Variants in PDGFB observed in about 807,000 individuals in gnomAD.
The protein encoded by PDGFB is platelet-derived growth factor subunit B.
A neutral mutation model predicts 29.0 loss-of-function variants in PDGFB; 6 were observed. That is an observed-to-expected ratio of 0.21 (90% confidence interval 0.11 to 0.41). PDGFB has a LOEUF of 0.41. PDGFB is among the 10% of genes least tolerant of loss of function. PDGFB has a pLI of 1.00. For missense variants in PDGFB, 299 were observed against 341.8 expected (o/e 0.87, Z 0.99); for synonymous variants, 144 against 140.8 (o/e 1.02, Z -0.16).
intron 1 of PDGFB, among the ~76,000 whole-genome samples, chr22:39,236,926 A>G (rs5750780): frequency 0.97 from 148,085 of 152,320 alleles, 72,025 homozygotes; most frequent in East Asian, 1. Flanking sequence ...TGGAGAGGGC[A>G]TCAATAGGCT....
rs769438408 is a variant in PDGFB, at chr22:39,230,206, C to T, written c.479G>A (p.Arg160Gln). 11 of 1,613,846 alleles carry T rather than the reference C, an allele frequency of 6.8e-6. No homozygotes were observed. The highest frequency in any genetic ancestry group is 2.2e-5 in the East Asian group (1 of 44,904). ...GGCCTTCTTAAAGATTGGCTTCTTC[C>T]GCACAATCTCGATCTTTCTCACCTG... ...PVQVRKIEIV[R>Q]KKPIFKKATV... The change falls in exon 5 of 7, where the codon CGG becomes CAG. Residue 160 changes from arginine (R) to glutamine (Q), a missense_variant. Coordinates refer to ENST00000331163, the MANE Select transcript of PDGFB (RefSeq NM_002608.4).
Position 39,231,076 on chromosome 22 carries a change from C to T in PDGFB, c.456+546G>A, listed in dbSNP as rs754477313. On this transcript the variant is annotated intron_variant, in intron 4 of 6. Transcript: ENST00000331163. This position sits in a 1 kb window ranked among gnomAD's most constrained non-coding sequence, Gnocchi z 4.3. ...TTCCACTGTTGTCAGGGGACCTGCCCCAGCTCCGCAGTGTCTATCACCTGG... is the reference window on the plus strand; with the variant it reads ...TTCCACTGTTGTCAGGGGACCTGCCTCAGCTCCGCAGTGTCTATCACCTGG... 1.3e-5 allele frequency among the ~76,000 whole-genome samples: 2 copies of T among 152,308 alleles called. No individual in the cohort carries two copies. Among genetic ancestry groups the T allele is most frequent in the East Asian group, 3.9e-4 (2 of 5,184 alleles).
In PDGFB at chr22:39,224,235, A is replaced by C. The variant is rs1932111120; in HGVS notation, c.*1107T>G. 1 of 152,172 alleles carries C rather than the reference A, an allele frequency of 6.6e-6. No homozygotes were observed. The highest frequency in any genetic ancestry group is 1.5e-5 in the Non-Finnish European group (1 of 68,026). The allele number at this position is 152,172 out of a possible 1,614,324, so 9.4% of individuals were successfully genotyped here. A position where few individuals can be genotyped will look rare whatever the true frequency, so the allele number is the denominator to read the frequency against. On this transcript the variant is annotated 3_prime_UTR_variant, in exon 7 of 7. Transcript: ENST00000331163. Reference sequence around the variant, plus strand: ...AAGGAGTCTTTGTGTGAATTAGGAAAAGGATCCTTTTCCTCTTTACCTACA... The same window carrying C: ...AAGGAGTCTTTGTGTGAATTAGGAACAGGATCCTTTTCCTCTTTACCTACA...
At chr22:39,233,029 C>G (rs1040483827) in intron 3 of PDGFB, among the ~76,000 whole-genome samples, 5 of 152,202 alleles carry the variant, frequency 3.3e-5, no homozygotes, top group African/African-American at 1.2e-4. Context: ...ATACCCATAG[C>G]CCATCAGGGA....
chr22:39,232,194 CAT>C (rs1932325306), intron 3 of PDGFB, among the ~76,000 whole-genome samples: 2 of 152,250 alleles, frequency 1.3e-5, no homozygotes, highest in South Asian at 2.1e-4. Flanking sequence ...GCTTGCCCAA[CAT>C]GTGGTTTTTA....
At chr22:39,232,688 C>A (rs1451384182) in intron 3 of PDGFB, among the ~76,000 whole-genome samples, 2 of 152,114 alleles carry the variant, frequency 1.3e-5, no homozygotes, top group Non-Finnish European at 2.9e-5. Context: ...CAGGGTTTCA[C>A]CATGTCGGTC....
chr22:39,224,865 G>A lies in PDGFB; in HGVS notation c.*477C>T, dbSNP rs1205449184. 3 of 152,410 alleles carry A rather than the reference G, an allele frequency of 2.0e-5. No homozygotes were observed. Among genetic ancestry groups the A allele is most frequent in the Non-Finnish European group, 4.4e-5 (3 of 68,126 alleles). 9.4% of individuals were successfully genotyped at this position (152,410 alleles called of 1,614,324 possible). A position where few individuals can be genotyped will look rare whatever the true frequency, so the allele number is the denominator to read the frequency against. On this transcript the variant is annotated 3_prime_UTR_variant, in exon 7 of 7. Transcript: ENST00000331163. ...GTCTGTGGTCTTAGCCATGGAGTCC[G>A]AGGCAGCCTGGCCTGCCTGGAGGTG...
rs1296118303 is a variant in PDGFB at position 39,242,677 on chromosome 22, G to C, written c.63+1224C>G. On this transcript the variant is annotated intron_variant, in intron 1 of 6. Transcript: ENST00000331163. The surrounding 1 kb of genome is among the most constrained non-coding windows in gnomAD (Gnocchi z 5.7). ...CGTGGTCAAAACAACCTGCGCTGGC[G>C]GCAGCCCAAGGCCGGGCCGCGGCCT... Among the ~76,000 whole-genome samples, 1 of 151,856 alleles carries C rather than the reference G, an allele frequency of 6.6e-6. No individual in the cohort carries two copies. The highest frequency in any genetic ancestry group is 1.5e-5 in the Non-Finnish European group (1 of 67,902).
At chr22:39,241,048 G>GC in intron 1 of PDGFB, 1 of 690,156 alleles carries the variant, frequency 1.4e-6, no homozygotes, top group Non-Finnish European at 2.6e-6. Flanking sequence ...TTGGTCTCCT[G>GC]CCCCCTAGGG....
At chr22:39,233,260 T>C (rs1305679462) in intron 3 of PDGFB, among the ~76,000 whole-genome samples, 175 bp downstream of exon 3, 1 of 152,204 alleles carries the variant, frequency 6.6e-6, no homozygotes, top group African/African-American at 2.4e-5. Flanking sequence ...CTGTGATGAC[T>C]GAACACAGGC....
chr22:39,238,000 G>A (rs1438840684), intron 1 of PDGFB, among the ~76,000 whole-genome samples: 2 of 152,242 alleles, frequency 1.3e-5, no homozygotes, highest in Non-Finnish European at 2.9e-5. Context: ...GGGGCCCAAA[G>A]GCCTAGTAGC....
intron 1 of PDGFB, among the ~76,000 whole-genome samples, chr22:39,236,563 T>C (rs934093039): frequency 7.2e-5 from 11 of 152,238 alleles, no homozygotes; most frequent in African/African-American, 2.7e-4. Flanking sequence ...CCCTTTGGCC[T>C]GTTGCCAAAC....
intron 5 of PDGFB, among the ~76,000 whole-genome samples, chr22:39,227,631 G>A (rs1932199189): frequency 6.6e-6 from 1 of 152,196 alleles, no homozygotes; most frequent in Non-Finnish European, 1.5e-5. Context: ...TGCCTCTAGA[G>A]TGCACACCTC....
intron 1 of PDGFB, among the ~76,000 whole-genome samples, chr22:39,236,366 A>G: frequency 6.6e-6 from 1 of 152,240 alleles, no homozygotes; most frequent in East Asian, 1.9e-4. Context: ...CTGTACTCCC[A>G]GGCTCCTGGG....
At chr22:39,233,001 G>A (rs1177932269) in intron 3 of PDGFB, among the ~76,000 whole-genome samples, 2 of 152,290 alleles carry the variant, frequency 1.3e-5, no homozygotes, top group Non-Finnish European at 2.9e-5. Flanking sequence ...CCTAGGCCGC[G>A]GCCCTTTGCC....
In PDGFB at chr22:39,243,830, G is replaced by A; in HGVS notation, c.63+71C>T. Reference sequence around the variant, plus strand: ...GGTCCAAAGTTCACTGCAGGGAGAGGAGGGGGCGGTCAGAAGGGGGGGGCG... The same window carrying A: ...GGTCCAAAGTTCACTGCAGGGAGAGAAGGGGGCGGTCAGAAGGGGGGGGCG... On this transcript the variant is annotated intron_variant, in intron 1 of 6. Coordinates refer to ENST00000331163, the MANE Select transcript of PDGFB (RefSeq NM_002608.4). This position sits in a 1 kb window ranked among gnomAD's most constrained non-coding sequence, Gnocchi z 6.4. 6.3e-6 allele frequency: 8 copies of A among 1,262,630 alleles called. No individual in the cohort carries two copies. Among genetic ancestry groups the A allele is most frequent in the Non-Finnish European group, 9.0e-6 (8 of 888,208 alleles). The allele number at this position is 1,262,630 out of a possible 1,614,324, so 78.2% of individuals were successfully genotyped here. A position where few individuals can be genotyped will look rare whatever the true frequency, so the allele number is the denominator to read the frequency against.
Position 39,243,904 on chromosome 22 carries a change from G to A in PDGFB, c.60C>T (p.Ala20=), listed in dbSNP as rs775741924. 5 of 1,605,678 alleles carry A rather than the reference G, an allele frequency of 3.1e-6. No homozygotes were observed. Among genetic ancestry groups the A allele is most frequent in the Non-Finnish European group, 3.4e-6 (4 of 1,176,388 alleles). Residue 20 remains alanine, a synonymous_variant, in exon 1 of 7, where the codon GCC becomes GCT. Transcript: ENST00000331163. This position sits in a 1 kb window ranked among gnomAD's most constrained non-coding sequence, Gnocchi z 6.4. ...CCCAGCCGCCGTGGCAACTCACCTC[G>A]GCGCTGACCAGACGCAGGTAGCAGC... ...SLCCYLRLVS[A]EGDPIPEELY...
At chr22:39,240,725 TA>T in intron 1 of PDGFB, 1 of 1,084,818 alleles carries the variant, frequency 9.2e-7, no homozygotes, top group Non-Finnish European at 1.4e-6. Flanking sequence ...GAAAGCTCTC[TA>T]ATGGGGTTGA....
chr22:39,230,372 C>CT, intron 4 of PDGFB, 144 bp from the exon 5 acceptor site: 1 of 746,752 alleles, frequency 1.3e-6, no homozygotes, highest in Non-Finnish European at 2.2e-6. Flanking sequence ...GGGGCAAAAG[C>CT]TTTGGCCCAA....
Sources: gnomAD v4.1 joint callset for allele counts (sites outside exome capture counted in the v4.1 genomes callset) on GRCh38, gnomAD v4.1.1 for gene constraint, Gnocchi (gnomAD v3.1) non-coding constraint, MANE v1.5 for transcripts, NCBI Gene and HGNC (gene_info 2026-07-23, HGNC 2026-07-21) for gene names.